CFAP92: variants seen among roughly 807,000 people sequenced by gnomAD.
CFAP92 encodes cilia and flagella associated protein 92 (putative).
Under a neutral mutation model 106.3 loss-of-function variants are expected in CFAP92, and 86 were observed. The observed-to-expected ratio is 0.81, with a 90% CI of 0.68 to 0.97. CFAP92 has a LOEUF of 0.97. Ranked by LOEUF, CFAP92 falls within the 50% of genes least tolerant of loss-of-function variation. The pLI, the probability that CFAP92 is intolerant of heterozygous loss-of-function variation, is 0.00. For synonymous variants in CFAP92, 477 were observed against 506.4 expected, an observed-to-expected ratio of 0.94 and a Z score of 0.78; for missense variants, 1,204 against 1,283.8, an observed-to-expected ratio of 0.94 and a Z score of 0.95.
At chr3:128,930,212 G>A (rs144669359) in intron 12 of CFAP92, among the ~76,000 whole-genome samples, 155 of 152,104 alleles carry the variant, frequency 1.0e-3, no homozygotes, top group Non-Finnish European at 1.8e-3. Flanking sequence ...GTGCAGTGGC[G>A]TGAATTTGGC....
At chr3:128,943,836 T>C (rs1441371976) in intron 10 of CFAP92, among the ~76,000 whole-genome samples, 1 of 150,946 alleles carries the variant, frequency 6.6e-6, no homozygotes, top group African/African-American at 2.4e-5. Context: ...CGTGCCTGGC[T>C]TTCATTTCCT....
chr3:128,984,024 G>T (rs114562623), intron 4 of CFAP92, among the ~76,000 whole-genome samples: 3,079 of 152,262 alleles, frequency 0.02, 116 homozygotes, highest in African/African-American at 0.07. Context: ...AAGACAGCTG[G>T]GCAGAGAGCT....
chr3:128,933,863 C>T (rs1039129940), intron 11 of CFAP92, among the ~76,000 whole-genome samples: 3 of 152,168 alleles, frequency 2.0e-5, no homozygotes, highest in East Asian at 1.9e-4. Flanking sequence ...CTCTTAGCCC[C>T]GACCAAGTTC....
At chr3:128,966,459 A>G (rs1053615951) in intron 8 of CFAP92, 2 of 152,220 alleles carry the variant, frequency 1.3e-5, no homozygotes, top group East Asian at 3.8e-4. Flanking sequence ...ACAAGCGTGC[A>G]TACCTCCCAC....
chr3:128,962,415 T>C (rs1942004144), intron 9 of CFAP92, among the ~76,000 whole-genome samples: 1 of 152,158 alleles, frequency 6.6e-6, no homozygotes, highest in African/African-American at 2.4e-5. Context: ...AATACTCTTT[T>C]ATGCACTCTT....
intron 9 of CFAP92, among the ~76,000 whole-genome samples, chr3:128,957,337 G>A (rs568259717): frequency 1.3e-5 from 2 of 151,652 alleles, no homozygotes; most frequent in East Asian, 3.9e-4. Flanking sequence ...CTATGTAGAG[G>A]AAATATTTAG....
intron 8 of CFAP92, chr3:128,969,502 G>C (rs1179274953): frequency 6.6e-6 from 1 of 152,170 alleles, no homozygotes; most frequent in Non-Finnish European, 1.5e-5. Context: ...AACCTGGGGG[G>C]GCAGAGGCTG....
In CFAP92 at chr3:128,915,341, G is replaced by C. The variant is rs1422348468; in HGVS notation, c.3123+16C>G. 2 of 1,535,974 alleles carry C rather than the reference G, an allele frequency of 1.3e-6. No individual in the cohort carries two copies. The highest frequency in any genetic ancestry group is 3.9e-5 in the Admixed American group (2 of 50,986). On this transcript the variant is annotated intron_variant, in intron 14 of 15. Transcript: ENST00000645291. ...CTATGGACACCCCACCTGAGACCCT[G>C]CTCTTCCCTGTGGACCTCATTCAGC... is the stretch of plus-strand genomic sequence containing the variant.
intron 2 of CFAP92, chr3:128,991,700 G>A: frequency 1.1e-6 from 1 of 923,388 alleles, no homozygotes. Flanking sequence ...CTGCACCAAG[G>A]CGTTCATTGA....
chr3:128,980,259 C>T (rs372231995), intron 4 of CFAP92, among the ~76,000 whole-genome samples: 22 of 149,850 alleles, frequency 1.5e-4, no homozygotes, highest in East Asian at 4.0e-4. Flanking sequence ...TCCAGCTACT[C>T]GGGAGGCTGA....
rs573088929 is a variant in CFAP92, at chr3:128,962,837, A to G, written c.1353+2674T>C. Among the ~76,000 whole-genome samples the G allele has an allele frequency of 2.7e-3, 415 of 152,282 alleles. 6 individuals are homozygous for G. The highest frequency in any genetic ancestry group is 9.4e-3 in the African/African-American group (389 of 41,550). ...GACAAGGCTTACAAGTTAGTTCAGA[A>G]TCTGCGCCTTATCAACCAAATTGTT... is the stretch of plus-strand genomic sequence containing the variant. On this transcript the variant is annotated intron_variant, in intron 9 of 15. Transcript: ENST00000645291.
upstream of CFAP92, among the ~76,000 whole-genome samples, chr3:129,006,970 T>C (rs1945102499): frequency 6.6e-6 from 1 of 152,206 alleles, no homozygotes; most frequent in Non-Finnish European, 1.5e-5. Context: ...CACTTTTTCA[T>C]GTAAGCTCAT....
chr3:128,973,588 G>C (rs1341736926), intron 7 of CFAP92, among the ~76,000 whole-genome samples: 1 of 151,794 alleles, frequency 6.6e-6, no homozygotes, highest in Non-Finnish European at 1.5e-5. Context: ...CCCGGGAGAT[G>C]GAGGTTGTGG....
At chr3:128,930,493 A>T (rs1164349106) in intron 12 of CFAP92, among the ~76,000 whole-genome samples, 2 of 146,246 alleles carry the variant, frequency 1.4e-5, no homozygotes, top group East Asian at 4.2e-4. Flanking sequence ...AGGCGTGGTC[A>T]CCTGTAATCC....
chr3:128,945,757 C>T lies in CFAP92; in HGVS notation c.1572G>A (p.Lys524=). ...GAGGGTCCTCCCCAAACAGCACGGG[C>T]TTCTGAGAACACTCCTCTGACTTGC... ...RDRKSEECSQ[K]PVLFGEDPLD... The change falls in exon 10 of 16, where the codon AAG becomes AAA. Residue 524 remains lysine (K), a synonymous_variant. Transcript: ENST00000645291. 1 of 1,534,716 alleles carries T rather than the reference C, an allele frequency of 6.5e-7. No homozygotes were observed. The highest frequency in any genetic ancestry group is 1.4e-5 in the African/African-American group (1 of 73,104).
chr3:129,026,166 G>A, the CFAP92 span, among the ~76,000 whole-genome samples: 6 of 152,224 alleles, frequency 3.9e-5, no homozygotes, highest in Non-Finnish European at 4.4e-5. Flanking sequence ...AGTTGGTATT[G>A]TCGTTGCTGT....
In CFAP92 at chr3:128,964,322, T is replaced by C. The variant is rs150772224; in HGVS notation, c.1353+1189A>G. ...CAGCCCATTTAAGCTCCTGTGTAGATGCTCCTTTTTATTAGGCCCCAGTCT... is the reference window on the plus strand; with the variant it reads ...CAGCCCATTTAAGCTCCTGTGTAGACGCTCCTTTTTATTAGGCCCCAGTCT... On this transcript the variant is annotated intron_variant, in intron 9 of 15. Coordinates refer to ENST00000645291, the MANE Select transcript of CFAP92 (RefSeq NM_001394090.1). Among the ~76,000 whole-genome samples the C allele has an allele frequency of 1.5e-3, 230 of 152,128 alleles. 2 individuals are homozygous for C. The highest frequency in any genetic ancestry group is 5.4e-3 in the African/African-American group (222 of 41,494).
chr3:128,934,800 G>A (rs975090447), intron 11 of CFAP92, among the ~76,000 whole-genome samples: 1 of 152,134 alleles, frequency 6.6e-6, no homozygotes, highest in African/African-American at 2.4e-5. Context: ...CAAAGTGCTG[G>A]GATTACAGGT....
chr3:129,002,113 C>T lies in CFAP92; in HGVS notation n.117+461G>A, dbSNP rs767548537. ...GGCACCCGTGCGGGGCCCCGGCTGC[C>T]CCGCGGCGCTCTCAGCGAGCACATC... On this transcript the variant is annotated intron_variant and non_coding_transcript_variant, in intron 1 of 4. Coordinates refer to the CFAP92 transcript ENST00000510149. 2.5e-5 allele frequency: 37 copies of T among 1,482,894 alleles called. 1 individual carries two copies. In the South Asian group the frequency reaches 3.8e-4, roughly 15 times the overall value. The allele number at this position is 1,482,894 out of a possible 1,614,324, so 91.9% of individuals were successfully genotyped here. A position where few individuals can be genotyped will look rare whatever the true frequency, so the allele number is the denominator to read the frequency against.
Sources: allele counts gnomAD v4.1 joint callset (sites outside exome capture counted in the v4.1 genomes callset), GRCh38; gene constraint gnomAD v4.1.1; transcripts MANE v1.5; gene names NCBI Gene and HGNC (gene_info 2026-07-23, HGNC 2026-07-21).